CALCR: variants seen among roughly 807,000 people sequenced by gnomAD.
The protein encoded by CALCR is calcitonin receptor.
CALCR carries 47 observed loss-of-function variants against 59.5 expected under a neutral mutation model. That is an observed-to-expected ratio of 0.79 (90% CI 0.63 to 1.01). The LOEUF (loss-of-function observed/expected upper bound fraction) is 1.01, where lower values mean the gene tolerates loss of function less well. Ranked by LOEUF, CALCR falls within the 50% of genes least tolerant of loss-of-function variation. CALCR has a pLI of 0.00. For synonymous variants in CALCR, 213 were observed against 211.3 expected, an observed-to-expected ratio of 1.01 and a Z score of -0.07; for missense variants, 566 against 597.1, an observed-to-expected ratio of 0.95 and a Z score of 0.54.
At chr7:93,460,576 T>TATAC (rs1800303447) in intron 8 of CALCR, among the ~76,000 whole-genome samples, 1 of 104,580 alleles carries the variant, frequency 9.6e-6, no homozygotes, top group Non-Finnish European at 1.8e-5. Context: ...AAAAAAAATA[T>TATAC]ATATATATAT....
chr7:93,486,265 A>C (rs940122577), intron 3 of CALCR, among the ~76,000 whole-genome samples: 7 of 151,656 alleles, frequency 4.6e-5, no homozygotes, highest in African/African-American at 1.7e-4. Flanking sequence ...TAGGTTAACA[A>C]TGTTGACACA....
intron 2 of CALCR, among the ~76,000 whole-genome samples, chr7:93,507,139 A>G (rs920546777): frequency 2.0e-5 from 3 of 152,124 alleles, no homozygotes; most frequent in African/African-American, 7.2e-5. Flanking sequence ...GGAAAGAATA[A>G]AGTCCCAAAG....
chr7:93,502,673 C>T (rs1485789202), intron 2 of CALCR, among the ~76,000 whole-genome samples: 1 of 151,906 alleles, frequency 6.6e-6, no homozygotes, highest in Non-Finnish European at 1.5e-5. Context: ...ATAACTTTGT[C>T]TAATGCAGTG....
At chr7:93,555,746 A>C (rs1456099348) in intron 2 of CALCR, among the ~76,000 whole-genome samples, 3 of 152,196 alleles carry the variant, frequency 2.0e-5, no homozygotes, top group African/African-American at 4.8e-5. Context: ...AGAAGCATAA[A>C]GCTAACATAT....
At chr7:93,560,689 A>AG (rs1211667768) in intron 2 of CALCR, among the ~76,000 whole-genome samples, 1 of 152,194 alleles carries the variant, frequency 6.6e-6, no homozygotes, top group Non-Finnish European at 1.5e-5. Flanking sequence ...ACATATCTAC[A>AG]GAATGGTGGA....
chr7:93,438,252 G>A lies in CALCR; in HGVS notation c.821C>T (p.Thr274Ile). Residue 274 changes from threonine to isoleucine, a missense_variant, in exon 10 of 14, where the codon ACC becomes ATC. Coordinates refer to ENST00000426151, the MANE Select transcript of CALCR (RefSeq NM_001742.4). ...LLGWGFPLVP[T>I]TIHAITRAVY... Reference sequence around the variant, plus strand: ...GGCCCTGGTAATAGCATGGATAGTGGTTGGCACCAGCGGGAACCCTACAAA... The same window carrying A: ...GGCCCTGGTAATAGCATGGATAGTGATTGGCACCAGCGGGAACCCTACAAA... 3 of 1,613,366 alleles carry A rather than the reference G, an allele frequency of 1.9e-6. No individual in the cohort carries two copies. Among genetic ancestry groups the A allele is most frequent in the South Asian group, 2.2e-5 (2 of 91,058 alleles).
intron 2 of CALCR, among the ~76,000 whole-genome samples, chr7:93,573,908 A>G (rs912314118): frequency 1.3e-5 from 2 of 152,226 alleles, no homozygotes; most frequent in Admixed American, 6.5e-5. Flanking sequence ...CTGATATTAT[A>G]TGTTTGTCAG....
At chr7:93,429,442 C>T (rs1199239000) in intron 13 of CALCR, among the ~76,000 whole-genome samples, 1 of 152,150 alleles carries the variant, frequency 6.6e-6, no homozygotes, top group Admixed American at 6.5e-5. Flanking sequence ...AAAAGCAATA[C>T]ACACTATTCA....
At chr7:93,482,103 T>A (rs200355147) in intron 3 of CALCR, among the ~76,000 whole-genome samples, 3 of 151,996 alleles carry the variant, frequency 2.0e-5, no homozygotes, top group African/African-American at 7.2e-5. Flanking sequence ...ATATTCCTAA[T>A]GGAATTGGAA....
chr7:93,516,618 A>G (rs1801656258), intron 2 of CALCR, among the ~76,000 whole-genome samples: 1 of 151,936 alleles, frequency 6.6e-6, no homozygotes, highest in Non-Finnish European at 1.5e-5. Context: ...CATTATGGCC[A>G]GTAGAACCCT....
chr7:93,558,430 A>G (rs1789660695), intron 2 of CALCR, among the ~76,000 whole-genome samples: 1 of 152,092 alleles, frequency 6.6e-6, no homozygotes, highest in Non-Finnish European at 1.5e-5. Context: ...AAGAAAAAAT[A>G]TTTCCTGGAA....
At chr7:93,571,278 T>C (rs1789997616) in intron 2 of CALCR, among the ~76,000 whole-genome samples, 1 of 152,156 alleles carries the variant, frequency 6.6e-6, no homozygotes. Context: ...TATGTTCTTG[T>C]CATTCTCTAC....
At position 93,554,322 on chromosome 7, in the gene CALCR, G is replaced by A. The variant is rs556057400; in HGVS notation, c.-27+19967C>T. On this transcript the variant is annotated intron_variant, in intron 2 of 13. Transcript: ENST00000426151. ...TTCTCATGAAATTCTATTTCCTAGA[G>A]TTTGGCAAGTAAGGTTTTCAACACT... 7.2e-5 allele frequency among the ~76,000 whole-genome samples: 11 copies of A among 152,220 alleles called. No individual in the cohort carries two copies. The South Asian group carries it at 8.3e-4, about 11-fold the overall frequency.
intron 2 of CALCR, among the ~76,000 whole-genome samples, chr7:93,531,527 CA>C: frequency 6.6e-6 from 1 of 152,214 alleles, no homozygotes; most frequent in African/African-American, 2.4e-5. Flanking sequence ...AGCAAATTGT[CA>C]ATCTAGAGAG....
intron 13 of CALCR, among the ~76,000 whole-genome samples, chr7:93,429,635 T>C (rs1438917867): frequency 6.6e-6 from 1 of 152,154 alleles, no homozygotes; most frequent in African/African-American, 2.4e-5. Context: ...AAGTTTAGAG[T>C]CTTCATGGTT....
intron 6 of CALCR, among the ~76,000 whole-genome samples, chr7:93,469,481 AC>A (rs1236220553): frequency 6.6e-6 from 1 of 151,628 alleles, no homozygotes; most frequent in Non-Finnish European, 1.5e-5. Flanking sequence ...AATTTTATCA[AC>A]AGAGAAAATA....
chr7:93,500,352 T>C (rs1340559418), intron 2 of CALCR, among the ~76,000 whole-genome samples: 1 of 151,924 alleles, frequency 6.6e-6, no homozygotes, highest in East Asian at 1.9e-4. Context: ...CAAGACTATT[T>C]TAAGAAAGAA....
chr7:93,563,540 T>C (rs1291955432), intron 2 of CALCR, among the ~76,000 whole-genome samples: 1 of 152,194 alleles, frequency 6.6e-6, no homozygotes, highest in Non-Finnish European at 1.5e-5. Context: ...AAAGCACAAT[T>C]TCCCTTTTGT....
intron 2 of CALCR, among the ~76,000 whole-genome samples, chr7:93,568,553 C>CTCTCTG (rs1563024015): frequency 4.4e-5 from 6 of 137,602 alleles, no homozygotes; most frequent in African/African-American, 1.7e-4. Flanking sequence ...CTCTCTCTCT[C>CTCTCTG]TCTGTCTCTC....
Sources: allele counts gnomAD v4.1 joint callset (sites outside exome capture counted in the v4.1 genomes callset), GRCh38; gene constraint gnomAD v4.1.1; transcripts MANE v1.5; gene names NCBI Gene and HGNC (gene_info 2026-07-23, HGNC 2026-07-21).